The following ARHGAP20 variants were observed in gnomAD, a reference collection of about 807,000 sequenced individuals.
ARHGAP20 encodes rho GTPase-activating protein 20.
ARHGAP20 carries 34 observed loss-of-function variants against 73.7 expected under a neutral mutation model. The ratio of observed to expected loss-of-function variants is 0.46; its 90% CI spans 0.35 to 0.61. The LOEUF (loss-of-function observed/expected upper bound fraction) is 0.61, where lower values mean the gene tolerates loss of function less well. Among genes scored for constraint, ARHGAP20 ranks in the 20% least tolerant of loss-of-function variants. The probability of loss-of-function intolerance (pLI) is 0.00; values close to 1 mark genes in which losing one functional copy is unlikely to be tolerated. For missense variants in ARHGAP20, 1,314 were observed against 1,420.9 expected, an observed-to-expected ratio of 0.92 and a Z score of 1.21; for synonymous variants, 523 against 518.2, an observed-to-expected ratio of 1.01 and a Z score of -0.13.
intron 7 of ARHGAP20, among the ~76,000 whole-genome samples, chr11:110,610,182 G>C (rs922574770): frequency 1.6e-4 from 24 of 151,984 alleles, no homozygotes; most frequent in African/African-American, 5.1e-4. Flanking sequence ...ACTTTACCCA[G>C]TGCATATATT....
chr11:110,691,604 T>C lies in ARHGAP20; in HGVS notation c.106-975A>G, dbSNP rs1057346078. Among the ~76,000 whole-genome samples, 3 of 152,198 alleles carry C rather than the reference T, an allele frequency of 2.0e-5. No homozygotes were observed. The South Asian group carries it at 6.2e-4, about 32-fold the overall frequency. On this transcript the variant is annotated intron_variant, in intron 1 of 14. Transcript: ENST00000683387. Reference sequence around the variant, plus strand: ...TTATGTGATTCATAAAGGAATTGCTTGTAGTTTTTAAAGTAAAACAATGAT... The same window carrying C: ...TTATGTGATTCATAAAGGAATTGCTCGTAGTTTTTAAAGTAAAACAATGAT...
intron 2 of ARHGAP20, among the ~76,000 whole-genome samples, chr11:110,674,233 C>T (rs1399380664): frequency 6.6e-6 from 1 of 152,070 alleles, no homozygotes; most frequent in Non-Finnish European, 1.5e-5. Flanking sequence ...CACACCCAGC[C>T]AGCTATTTTA....
intron 2 of ARHGAP20, among the ~76,000 whole-genome samples, chr11:110,656,799 A>C (rs1055137668): frequency 1.3e-5 from 2 of 152,188 alleles, no homozygotes; most frequent in African/African-American, 2.4e-5. Flanking sequence ...GTGGAGGCCC[A>C]TGGAAAAGAA....
chr11:110,614,095 C>T lies in ARHGAP20; in HGVS notation c.630+466G>A, dbSNP rs1441808186. ...CATCCTCCTATTAACCTAAGGGATT[C>T]AATCCCTAAAAACTTAAAGAATGAA... On this transcript the variant is annotated intron_variant, in intron 6 of 14. Coordinates refer to ENST00000683387, the MANE Select transcript of ARHGAP20 (RefSeq NM_001384657.1). 4.6e-5 allele frequency among the ~76,000 whole-genome samples: 7 copies of T among 152,202 alleles called. No homozygotes were observed. In the East Asian group the frequency reaches 1.2e-3, roughly 25 times the overall value.
chr11:110,596,085 A>G (rs1281422190), intron 9 of ARHGAP20, among the ~76,000 whole-genome samples: 1 of 152,214 alleles, frequency 6.6e-6, no homozygotes, highest in Non-Finnish European at 1.5e-5. Flanking sequence ...AAAACTGGCT[A>G]GCCATATGTA....
intron 2 of ARHGAP20, among the ~76,000 whole-genome samples, chr11:110,636,165 T>C (rs1948963373): frequency 6.6e-6 from 1 of 152,102 alleles, no homozygotes; most frequent in African/African-American, 2.4e-5. Flanking sequence ...TTAAGTTTTG[T>C]GGGCCATGCC....
intron 2 of ARHGAP20, among the ~76,000 whole-genome samples, chr11:110,673,892 T>TCTAAATTG (rs1949877566): frequency 6.6e-6 from 1 of 151,884 alleles, no homozygotes; most frequent in South Asian, 2.1e-4. Flanking sequence ...CAGAGAGAAG[T>TCTAAATTG]AAATTTAAAT....
intron 9 of ARHGAP20, among the ~76,000 whole-genome samples, chr11:110,596,854 C>G (rs558244031): frequency 6.6e-6 from 1 of 152,142 alleles, no homozygotes; most frequent in Middle Eastern, 3.4e-3. Context: ...ATGTTTATTG[C>G]GGCACTATTC....
At chr11:110,673,940 TA>T (rs1381380503) in intron 2 of ARHGAP20, among the ~76,000 whole-genome samples, 3 of 142,376 alleles carry the variant, frequency 2.1e-5, no homozygotes, top group Admixed American at 6.9e-5. Flanking sequence ...GAACGAAGGC[TA>T]TTTTTTTTTT....
upstream of ARHGAP20, chr11:110,712,568 C>G (rs1373293417): frequency 6.5e-6 from 1 of 152,758 alleles, no homozygotes. Context: ...CTCCTAGCCT[C>G]GTCCCAGCCT....
At chr11:110,614,326 G>A (rs1948436047) in intron 6 of ARHGAP20, among the ~76,000 whole-genome samples, 2 of 152,084 alleles carry the variant, frequency 1.3e-5, no homozygotes, top group South Asian at 2.1e-4. Flanking sequence ...GTTTAATACC[G>A]TAGTTCATAT....
At chr11:110,617,267 T>C (rs1266740775) in intron 4 of ARHGAP20, among the ~76,000 whole-genome samples, 1 of 150,022 alleles carries the variant, frequency 6.7e-6, no homozygotes, top group Non-Finnish European at 1.5e-5. Flanking sequence ...TTTTCTTTCT[T>C]TTTTTTTTTG....
At chr11:110,690,892 A>T in intron 1 of ARHGAP20, 1 of 1,158,754 alleles carries the variant, frequency 8.6e-7, no homozygotes, top group East Asian at 2.6e-5. Flanking sequence ...TTACCAGAAT[A>T]TTTGGGAGAA....
At chr11:110,660,069 A>AAAAAAAAAAC (rs1555097624) in intron 2 of ARHGAP20, among the ~76,000 whole-genome samples, 30 of 146,972 alleles carry the variant, frequency 2.0e-4, no homozygotes, top group African/African-American at 7.1e-4. Context: ...AACAAAAAAA[A>AAAAAAAAAAC]AAAAAAAAAG....
rs998220973 is a variant in ARHGAP20, at chr11:110,577,822, C to T, written c.*1548G>A. Reference sequence around the variant, plus strand: ...ATAGCTAATACTGAAATAACTTCTTCTATCTTAGAGAAAATATTTTTTCCC... The same window carrying T: ...ATAGCTAATACTGAAATAACTTCTTTTATCTTAGAGAAAATATTTTTTCCC... On this transcript the variant is annotated 3_prime_UTR_variant, in exon 15 of 15. Coordinates refer to ENST00000683387, the MANE Select transcript of ARHGAP20 (RefSeq NM_001384657.1). The T allele has an allele frequency of 5.1e-6, 5 of 985,598 alleles. No individual in the cohort carries two copies. In the African/African-American group the frequency reaches 8.7e-5, roughly 17 times the overall value. The allele number at this position is 985,598 out of a possible 1,614,324, so 61.1% of individuals were successfully genotyped here. A position where few individuals can be genotyped will look rare whatever the true frequency, so the allele number is the denominator to read the frequency against.
upstream of ARHGAP20, chr11:110,712,801 A>T (rs985153293): frequency 2.0e-5 from 3 of 152,456 alleles, no homozygotes; most frequent in Non-Finnish European, 2.9e-5. Context: ...GCGCCCCTGC[A>T]GCGCGTGCAT....
At chr11:110,701,632 G>C (rs1424963156) in intron 1 of ARHGAP20, among the ~76,000 whole-genome samples, 1 of 152,064 alleles carries the variant, frequency 6.6e-6, no homozygotes, top group African/African-American at 2.4e-5. Context: ...ATTGCTTTTG[G>C]TGTTTTAGAC....
At chr11:110,593,267 T>C (rs1947873759) in intron 9 of ARHGAP20, among the ~76,000 whole-genome samples, 1 of 152,190 alleles carries the variant, frequency 6.6e-6, no homozygotes, top group South Asian at 2.1e-4. Context: ...TATACCATAG[T>C]GCCGAAATGT....
intron 12 of ARHGAP20, 25 bp from the exon 13 acceptor site, chr11:110,583,762 A>T: frequency 6.6e-7 from 1 of 1,504,366 alleles, no homozygotes; most frequent in South Asian, 1.4e-5. Context: ...ATTACTCTTT[A>T]AGCAAGACAT....
Sources: gnomAD v4.1 joint callset for allele counts (sites outside exome capture counted in the v4.1 genomes callset) on GRCh38, gnomAD v4.1.1 for gene constraint, MANE v1.5 for transcripts, NCBI Gene and HGNC (gene_info 2026-07-23, HGNC 2026-07-21) for gene names.